RNASEH2B: variants seen among roughly 807,000 people sequenced by gnomAD.
RNASEH2B encodes ribonuclease H2 subunit B.
In RNASEH2B, 36 loss-of-function variants were observed where a neutral mutation model predicts 45.0. The observed-to-expected ratio is 0.80, with a 90% CI of 0.61 to 1.06. The LOEUF (loss-of-function observed/expected upper bound fraction) is 1.06. Ranked by LOEUF, RNASEH2B falls within the 50% of genes least tolerant of loss-of-function variation. The probability of loss-of-function intolerance (pLI) is 0.00; values close to 1 mark genes in which losing one functional copy is unlikely to be tolerated. For synonymous variants in RNASEH2B, 119 were observed against 125.7 expected, an observed-to-expected ratio of 0.95 and a Z score of 0.35; for missense variants, 361 against 360.3, an observed-to-expected ratio of 1.00 and a Z score of -0.02.
chr13:50,917,574 G>T (rs1879815103), intron 1 of RNASEH2B, among the ~76,000 whole-genome samples: 1 of 152,180 alleles, frequency 6.6e-6, no homozygotes, highest in African/African-American at 2.4e-5. Context: ...TGATGACCTT[G>T]GGAAGCAGTT....
chr13:50,958,040 G>A (rs1952073202), downstream of RNASEH2B, among the ~76,000 whole-genome samples: 1 of 152,074 alleles, frequency 6.6e-6, no homozygotes, highest in East Asian at 1.9e-4. Context: ...ACTCTAGGTT[G>A]TCTGTTTACT....
intron 9 of RNASEH2B, among the ~76,000 whole-genome samples, chr13:50,966,353 G>A (rs370112568): frequency 6.6e-5 from 10 of 152,214 alleles, no homozygotes; most frequent in African/African-American, 1.9e-4. Flanking sequence ...ATTAGGATAC[G>A]CTAGCCTACT....
chr13:50,939,777 G>A (rs1212340536), intron 5 of RNASEH2B, among the ~76,000 whole-genome samples: 1 of 152,014 alleles, frequency 6.6e-6, no homozygotes, highest in African/African-American at 2.4e-5. Flanking sequence ...ATTCAAAATG[G>A]ATCACTATGT....
At chr13:50,951,903 T>C (rs1951980916) in intron 9 of RNASEH2B, 1 of 152,206 alleles carries the variant, frequency 6.6e-6, no homozygotes, top group African/African-American at 2.4e-5. Flanking sequence ...TTAAAACACC[T>C]GAACAAGTCA....
At chr13:50,944,440 C>T (rs1027396628) in intron 6 of RNASEH2B, among the ~76,000 whole-genome samples, 1 of 150,702 alleles carries the variant, frequency 6.6e-6, no homozygotes, top group Non-Finnish European at 1.5e-5. Context: ...CATCACACAC[C>T]GGGGCTGTTT....
At chr13:50,943,110 TACTC>T (rs1951852742) in intron 5 of RNASEH2B, 2 of 482,568 alleles carry the variant, frequency 4.1e-6, no homozygotes, top group Non-Finnish European at 7.4e-6. Context: ...CTTAAATTCT[TACTC>T]ATTTAGTGGT....
intron 9 of RNASEH2B, chr13:50,950,439 A>G (rs563902607): frequency 6.6e-6 from 1 of 152,284 alleles, no homozygotes; most frequent in East Asian, 1.9e-4. Context: ...GTTTGGGCCT[A>G]TGTTCAGCAT....
chr13:50,942,550 T>C (rs921799776), intron 5 of RNASEH2B: 4 of 152,078 alleles, frequency 2.6e-5, no homozygotes, highest in African/African-American at 9.7e-5. Context: ...TTCATTTTTA[T>C]TTTAAGAAAA....
At chr13:50,929,123 G>A (rs939249689) in intron 2 of RNASEH2B, among the ~76,000 whole-genome samples, 5 of 152,278 alleles carry the variant, frequency 3.3e-5, no homozygotes, top group Admixed American at 2.0e-4. Context: ...AGGGACCCAC[G>A]TGCCAGCTCA....
At chr13:50,960,262 T>A, downstream of RNASEH2B, 1 of 454,504 alleles carries the variant, frequency 2.2e-6, no homozygotes, top group Non-Finnish European at 3.5e-6. Context: ...TTATTTTGGG[T>A]TTTAGTACAT....
chr13:50,930,834 T>G (rs908434668), intron 4 of RNASEH2B, 75 bp downstream of exon 4: 14 of 1,075,874 alleles, frequency 1.3e-5, no homozygotes, highest in Admixed American at 8.4e-5. Context: ...TCTCTCTCCT[T>G]TTAATGATCC....
intron 2 of RNASEH2B, among the ~76,000 whole-genome samples, chr13:50,928,864 T>A (rs1249270355): frequency 6.6e-6 from 1 of 152,040 alleles, no homozygotes. Flanking sequence ...AAAAAAAATT[T>A]TTTTTTCATT....
intron 7 of RNASEH2B, 26 bp from the exon 8 acceptor site, chr13:50,947,961 T>C: frequency 6.2e-7 from 1 of 1,606,984 alleles, no homozygotes; most frequent in Non-Finnish European, 8.5e-7. Context: ...TTTTTTTGCT[T>C]TCACTCCTCC....
intron 1 of RNASEH2B, among the ~76,000 whole-genome samples, chr13:50,920,915 T>G (rs560679470): frequency 1.8e-4 from 28 of 152,358 alleles, no homozygotes; most frequent in Non-Finnish European, 3.7e-4. Context: ...GTGTTCTGGC[T>G]TTTAAACAAG....
rs754503022 is a variant in RNASEH2B, at chr13:50,927,405, A to G, written c.65-2A>G. 2 of 1,553,490 alleles carry G rather than the reference A, an allele frequency of 1.3e-6. No individual in the cohort carries two copies. The highest frequency in any genetic ancestry group is 1.4e-5 in the African/African-American group (1 of 73,722). Reference sequence around the variant, plus strand: ...TTTTAGATATTCACGGTTTATTTTCAGAATATTTAAAAGATGCTTCAAAGA... The same window carrying G: ...TTTTAGATATTCACGGTTTATTTTCGGAATATTTAAAAGATGCTTCAAAGA... On this transcript the variant is annotated splice_acceptor_variant, in intron 1 of 10. Transcript: ENST00000336617. LOFTEE classifies it high-confidence loss of function.
intron 7 of RNASEH2B, 22 bp from the exon 8 acceptor site, chr13:50,947,962 TCAC>T: frequency 6.2e-7 from 1 of 1,607,004 alleles, no homozygotes. Flanking sequence ...TTTTTTGCTT[TCAC>T]TCCTCCTTCT....
intron 1 of RNASEH2B, among the ~76,000 whole-genome samples, chr13:50,922,468 C>T (rs1951537876): frequency 6.6e-6 from 1 of 152,086 alleles, no homozygotes; most frequent in African/African-American, 2.4e-5. Context: ...GAAGGTATGC[C>T]TTAACACACA....
rs116698863 is a variant in RNASEH2B, at chr13:50,917,165, C to T, written c.64+7025C>T. Among the ~76,000 whole-genome samples the T allele has an allele frequency of 3.6e-3, 548 of 152,256 alleles. 4 individuals are homozygous for T. The highest frequency in any genetic ancestry group is 0.013 in the African/African-American group (521 of 41,544). On this transcript the variant is annotated intron_variant, in intron 1 of 10. Transcript: ENST00000336617. ...TAGCCAGGGAGGGGCAGGCTGTAAG[C>T]ACAAGGTGGGAGAGGAGGAGGACAA...
At chr13:50,943,276 A>AT (rs545069822) in intron 5 of RNASEH2B, 45 bp from the exon 6 acceptor site, 2,191 of 1,031,028 alleles carry the variant, frequency 2.1e-3, no homozygotes, top group Non-Finnish European at 2.7e-3. Context: ...TTAGGAGTTT[A>AT]TTTTTTTTTT....
Sources: allele counts gnomAD v4.1 joint callset (sites outside exome capture counted in the v4.1 genomes callset), GRCh38; gene constraint gnomAD v4.1.1; transcripts MANE v1.5; gene names NCBI Gene and HGNC (gene_info 2026-07-23, HGNC 2026-07-21).